CLMP: variants seen among roughly 807,000 people sequenced by gnomAD.
CLMP encodes CXADR like cell adhesion molecule.
A neutral mutation model predicts 45.2 loss-of-function variants in CLMP; 27 were observed. That is an observed-to-expected ratio of 0.60 (90% confidence interval 0.44 to 0.82). The LOEUF is 0.82. Among genes scored for constraint, CLMP ranks in the 40% least tolerant of loss-of-function variants. The pLI, the probability that CLMP is intolerant of heterozygous loss-of-function variation, is 0.00. For synonymous variants in CLMP, 167 were observed against 171.4 expected, an observed-to-expected ratio of 0.97 and a Z score of 0.20; for missense variants, 403 against 448.4, an observed-to-expected ratio of 0.90 and a Z score of 0.91.
Position 123,101,025 on chromosome 11 carries a change from T to C in CLMP, c.29-3073A>G, listed in dbSNP as rs929046102. ...TCTTACAAGGAGTTCCTGCCTCCCT[T>C]AGAGACACCTATTCTTGTATCCCCC... is the stretch of plus-strand genomic sequence containing the variant. On this transcript the variant is annotated intron_variant, in intron 1 of 6. Transcript: ENST00000448775. Among the ~76,000 whole-genome samples, 3 of 152,268 alleles carry C rather than the reference T, an allele frequency of 2.0e-5. No homozygotes were observed. In the South Asian group the frequency reaches 6.2e-4, roughly 32 times the overall value.
At chr11:123,101,584 G>A (rs1231782548) in intron 1 of CLMP, among the ~76,000 whole-genome samples, 1 of 152,218 alleles carries the variant, frequency 6.6e-6, no homozygotes, top group Non-Finnish European at 1.5e-5. Flanking sequence ...GGCTGAGACT[G>A]CTGGGGAGGA....
At chr11:123,120,429 T>G (rs1414239722) in intron 1 of CLMP, among the ~76,000 whole-genome samples, 3 of 152,132 alleles carry the variant, frequency 2.0e-5, no homozygotes, top group African/African-American at 7.2e-5. Flanking sequence ...TGTCAAGAGA[T>G]CTCTTGGATG....
At chr11:123,094,161 G>A (rs543322180) in intron 2 of CLMP, among the ~76,000 whole-genome samples, 3 of 152,048 alleles carry the variant, frequency 2.0e-5, no homozygotes, top group East Asian at 3.9e-4. Flanking sequence ...AGGCTGGAGT[G>A]CAGTGGCGCC....
chr11:123,167,355 G>A (rs556862005), intron 1 of CLMP, among the ~76,000 whole-genome samples: 1 of 152,134 alleles, frequency 6.6e-6, no homozygotes, highest in Admixed American at 6.5e-5. Flanking sequence ...GCACGATCTT[G>A]GCTCACTGCA....
chr11:123,096,411 C>G (rs1865990114), intron 2 of CLMP, among the ~76,000 whole-genome samples: 1 of 152,106 alleles, frequency 6.6e-6, no homozygotes, highest in Non-Finnish European at 1.5e-5. Flanking sequence ...GTAATCCCAG[C>G]TGCTCAAGAG....
At chr11:123,164,345 C>G (rs1861527756) in intron 1 of CLMP, among the ~76,000 whole-genome samples, 1 of 152,026 alleles carries the variant, frequency 6.6e-6, no homozygotes, top group Admixed American at 6.6e-5. Flanking sequence ...GCTCTGTCAC[C>G]AAGGCTGGAG....
intron 1 of CLMP, among the ~76,000 whole-genome samples, chr11:123,118,963 T>C (rs151195267): frequency 3.9e-3 from 158 of 40,802 alleles, no homozygotes; most frequent in South Asian, 5.8e-3. Context: ...CTTTCTTTCT[T>C]TCTTTCTTTC....
At chr11:123,106,422 TGTGCGCGCGCGC>T (rs1361774405) in intron 1 of CLMP, among the ~76,000 whole-genome samples, 1,180 of 86,258 alleles carry the variant, frequency 0.014, 4 homozygotes, top group Non-Finnish European at 0.021. Context: ...TGTGTGTGTG[TGTGCGCGCGCGC>T]GCGCGCACGT....
intron 1 of CLMP, among the ~76,000 whole-genome samples, chr11:123,150,069 T>A (rs1243352095): frequency 6.6e-6 from 1 of 151,890 alleles, no homozygotes; most frequent in Non-Finnish European, 1.5e-5. Flanking sequence ...CCTCCCAAAG[T>A]GCTGAGATTA....
chr11:123,155,910 C>T (rs1054942203), intron 1 of CLMP, among the ~76,000 whole-genome samples: 1 of 152,140 alleles, frequency 6.6e-6, no homozygotes, highest in Non-Finnish European at 1.5e-5. Flanking sequence ...CAAGGGGAGG[C>T]CCACATGGGG....
At chr11:123,153,445 T>C (rs1861368968) in intron 1 of CLMP, among the ~76,000 whole-genome samples, 1 of 152,326 alleles carries the variant, frequency 6.6e-6, no homozygotes, top group Middle Eastern at 3.4e-3. Flanking sequence ...GGCCCAAGTA[T>C]GGAAAAGACA....
At chr11:123,154,801 G>C (rs574519413) in intron 1 of CLMP, among the ~76,000 whole-genome samples, 1 of 152,100 alleles carries the variant, frequency 6.6e-6, no homozygotes, top group East Asian at 1.9e-4. Context: ...ATTTTCACTC[G>C]CTGATCAGAT....
chr11:123,135,649 T>A (rs1326069776), intron 1 of CLMP, among the ~76,000 whole-genome samples: 3 of 152,210 alleles, frequency 2.0e-5, no homozygotes, highest in African/African-American at 7.2e-5. Context: ...CATATCTAAA[T>A]CCAATGGTGA....
At chr11:123,141,970 C>A (rs566850532) in intron 1 of CLMP, among the ~76,000 whole-genome samples, 14 of 147,568 alleles carry the variant, frequency 9.5e-5, no homozygotes, top group African/African-American at 3.3e-4. Context: ...TTGAGCTAAC[C>A]AAAATCCCCC....
chr11:123,193,100 C>G (rs1263330653), intron 1 of CLMP: 1 of 152,208 alleles, frequency 6.6e-6, no homozygotes, highest in East Asian at 1.9e-4. Context: ...AGGGTAAGCG[C>G]TTTGAGAATC....
chr11:123,163,832 C>CAGCTAGAGGGAGATGTTGGG (rs1344590248), intron 1 of CLMP, among the ~76,000 whole-genome samples: 1 of 152,172 alleles, frequency 6.6e-6, no homozygotes, highest in African/African-American at 2.4e-5. Flanking sequence ...CTGAGGCCCA[C>CAGCTAGAGGGAGATGTTGGG]AGCTAGAGGG....
chr11:123,100,922 C>T (rs978195390), intron 1 of CLMP, among the ~76,000 whole-genome samples: 5 of 151,930 alleles, frequency 3.3e-5, no homozygotes, highest in Non-Finnish European at 7.4e-5. Flanking sequence ...TTCCTAGAGA[C>T]AGGTTACTAC....
chr11:123,160,308 A>T (rs978630767), intron 1 of CLMP, among the ~76,000 whole-genome samples: 2 of 149,192 alleles, frequency 1.3e-5, no homozygotes, highest in Admixed American at 1.3e-4. Flanking sequence ...AAAAAAAGGA[A>T]AGTAAAAGAA....
intron 1 of CLMP, among the ~76,000 whole-genome samples, chr11:123,171,427 T>C (rs1420473648): frequency 2.9e-5 from 4 of 139,218 alleles, no homozygotes; most frequent in South Asian, 2.2e-4. Context: ...AAGATTTTTT[T>C]TTTTCTTTTC....
Sources: allele counts gnomAD v4.1 joint callset (sites outside exome capture counted in the v4.1 genomes callset), GRCh38; gene constraint gnomAD v4.1.1; transcripts MANE v1.5; gene names NCBI Gene and HGNC (gene_info 2026-07-23, HGNC 2026-07-21).